PTPRG: variants seen among roughly 807,000 people sequenced by gnomAD.
The protein encoded by PTPRG is receptor-type tyrosine-protein phosphatase gamma.
PTPRG carries 102 observed loss-of-function variants against 165.3 expected under a neutral mutation model. The observed-to-expected ratio is 0.62, with a 90% confidence interval of 0.53 to 0.73. The LOEUF is 0.73. Among genes scored for constraint, PTPRG ranks in the 30% least tolerant of loss-of-function variants. The pLI, the probability that PTPRG is intolerant of heterozygous loss-of-function variation, is 0.00. For missense variants in PTPRG, 1,866 were observed against 1,861.4 expected, an observed-to-expected ratio of 1.00 and a Z score of -0.05; for synonymous variants, 675 against 669.5, an observed-to-expected ratio of 1.01 and a Z score of -0.13.
At chr3:61,920,101 C>G (rs767146480) in intron 2 of PTPRG, among the ~76,000 whole-genome samples, 1 of 152,174 alleles carries the variant, frequency 6.6e-6, no homozygotes, top group Admixed American at 6.5e-5. Flanking sequence ...GTGTTTTTCT[C>G]CATAGGGAGA....
intron 5 of PTPRG, among the ~76,000 whole-genome samples, chr3:62,127,458 G>C (rs923961498): frequency 6.6e-6 from 1 of 152,224 alleles, no homozygotes; most frequent in African/African-American, 2.4e-5. Context: ...AACTGCTGGG[G>C]TGGGTGAATC....
At chr3:61,896,453 T>C (rs994324326) in intron 2 of PTPRG, among the ~76,000 whole-genome samples, 19 of 151,748 alleles carry the variant, frequency 1.3e-4, no homozygotes, top group African/African-American at 4.6e-4. Context: ...CTTTCACTTA[T>C]TGAAGGATAT....
chr3:61,706,579 C>T (rs1482467199), intron 1 of PTPRG, among the ~76,000 whole-genome samples: 5 of 151,846 alleles, frequency 3.3e-5, no homozygotes, highest in Admixed American at 6.6e-5. Flanking sequence ...CTGCCACCTC[C>T]GCCTCCGGGG....
intron 4 of PTPRG, among the ~76,000 whole-genome samples, chr3:62,021,857 C>CTTTTTTTTTTTTTTTTTTTTT (rs398062374): frequency 2.1e-5 from 2 of 97,092 alleles, no homozygotes; most frequent in Non-Finnish European, 4.2e-5. Context: ...TTTTCCTTTT[C>CTTTTTTTTTTTTTTTTTTTTT]TTTTTTTTTT....
intron 8 of PTPRG, among the ~76,000 whole-genome samples, chr3:62,174,461 A>G (rs967426294): frequency 6.6e-6 from 1 of 152,034 alleles, no homozygotes; most frequent in Admixed American, 6.6e-5. Flanking sequence ...TGATGGAGGG[A>G]TCTCTTTTTT....
chr3:62,135,908 C>T (rs1040012507), intron 6 of PTPRG, among the ~76,000 whole-genome samples: 12 of 152,168 alleles, frequency 7.9e-5, no homozygotes, highest in African/African-American at 2.9e-4. Context: ...AGGAATGGCC[C>T]AGCTCTTGTT....
intron 2 of PTPRG, among the ~76,000 whole-genome samples, chr3:61,887,672 G>A (rs924708411): frequency 9.3e-5 from 14 of 151,180 alleles, no homozygotes; most frequent in African/African-American, 3.2e-4. Flanking sequence ...CAAATTCTAT[G>A]CCATATATTA....
At chr3:61,682,583 G>A (rs1703488183) in intron 1 of PTPRG, among the ~76,000 whole-genome samples, 1 of 152,162 alleles carries the variant, frequency 6.6e-6, no homozygotes, top group African/African-American at 2.4e-5. Flanking sequence ...TATCATTTCT[G>A]TCCAAAGGTG....
intron 4 of PTPRG, among the ~76,000 whole-genome samples, chr3:62,030,584 A>G (rs1036258524): frequency 6.6e-6 from 1 of 152,142 alleles, no homozygotes; most frequent in African/African-American, 2.4e-5. Context: ...TCATTGATCA[A>G]TCAGTTGACC....
At chr3:62,263,215 T>C (rs1261670500) in intron 17 of PTPRG, 1 of 238,114 alleles carries the variant, frequency 4.2e-6, no homozygotes, top group East Asian at 1.1e-4. Flanking sequence ...ACACTGACAT[T>C]GTTTTTAACC....
At chr3:61,916,487 CTG>C (rs1326475678) in intron 2 of PTPRG, among the ~76,000 whole-genome samples, 2 of 152,100 alleles carry the variant, frequency 1.3e-5, no homozygotes, top group African/African-American at 2.4e-5. Flanking sequence ...TGTGACAAAA[CTG>C]TGCTGAGAAA....
intron 2 of PTPRG, among the ~76,000 whole-genome samples, chr3:61,856,297 C>A (rs1304851058): frequency 2.6e-5 from 4 of 152,064 alleles, no homozygotes. Flanking sequence ...ATTGAGCAGT[C>A]ACTCCCCACT....
intron 2 of PTPRG, 68 bp downstream of exon 2, chr3:61,749,050 A>G: frequency 7.9e-7 from 1 of 1,262,990 alleles, no homozygotes; most frequent in Non-Finnish European, 1.2e-6. Context: ...ACTTGAAAGC[A>G]CACTTTGAAT....
At chr3:62,044,485 G>A (rs1700225782) in intron 4 of PTPRG, among the ~76,000 whole-genome samples, 1 of 151,948 alleles carries the variant, frequency 6.6e-6, no homozygotes, top group Non-Finnish European at 1.5e-5. Flanking sequence ...GTTGCAGTTA[G>A]CTGAGATCAT....
intron 1 of PTPRG, among the ~76,000 whole-genome samples, chr3:61,687,023 C>T (rs1703656507): frequency 6.6e-6 from 1 of 152,070 alleles, no homozygotes; most frequent in Non-Finnish European, 1.5e-5. Context: ...ATAAAGACAT[C>T]CCCAAAACCA....
At chr3:61,826,791 G>A (rs1017311304) in intron 2 of PTPRG, among the ~76,000 whole-genome samples, 22 of 150,600 alleles carry the variant, frequency 1.5e-4, no homozygotes, top group Middle Eastern at 6.5e-3. Context: ...GAGTCCATTA[G>A]ACATGATAGC....
intron 2 of PTPRG, among the ~76,000 whole-genome samples, chr3:61,871,558 A>G (rs2037584702): frequency 6.6e-6 from 1 of 152,134 alleles, no homozygotes; most frequent in African/African-American, 2.4e-5. Flanking sequence ...GTTTGATTCT[A>G]ATAGGAAAAA....
chr3:61,871,781 G>T lies in PTPRG; in HGVS notation c.191-117844G>T, dbSNP rs571653281. 8.1e-4 allele frequency among the ~76,000 whole-genome samples: 124 copies of T among 152,306 alleles called. 1 individual carries two copies. The highest frequency in any genetic ancestry group is 2.9e-3 in the African/African-American group (122 of 41,574). ...GGACCTGGAAATCACAAGGCCTTTT[G>T]GAATTGCAGCTCCCAGGCAACACGG... On this transcript the variant is annotated intron_variant, in intron 2 of 29. Transcript: ENST00000474889.
intron 1 of PTPRG, among the ~76,000 whole-genome samples, chr3:61,745,069 T>TTTTTTTTTG (rs2033145578): frequency 6.7e-6 from 1 of 149,914 alleles, no homozygotes; most frequent in Non-Finnish European, 1.5e-5. Context: ...TTTTTTTTTT[T>TTTTTTTTTG]GAGACGGAGT....
Sources: gnomAD v4.1 joint callset for allele counts (sites outside exome capture counted in the v4.1 genomes callset) on GRCh38, gnomAD v4.1.1 for gene constraint, MANE v1.5 for transcripts, NCBI Gene and HGNC (gene_info 2026-07-23, HGNC 2026-07-21) for gene names.